Variants in IL3RA observed in about 807,000 individuals in gnomAD.
The protein encoded by IL3RA is interleukin 3 receptor subunit alpha.
IL3RA carries 73 observed loss-of-function variants against 52.3 expected under a neutral mutation model. The observed-to-expected ratio is 1.40, with a 90% CI of 1.16 to 1.70. The LOEUF (loss-of-function observed/expected upper bound fraction) is 1.70. Among genes scored for constraint, IL3RA ranks in the 40% most tolerant of loss-of-function variants. IL3RA has a pLI of 0.00. For synonymous variants in IL3RA, 260 were observed against 194.0 expected (o/e 1.34, Z -2.83); for missense variants, 664 against 504.4 (o/e 1.32, Z -3.03).
chrX:1,352,469 C>T lies in IL3RA; in HGVS notation c.579C>T (p.Ile193=). 1 of 1,613,770 alleles carries T rather than the reference C, an allele frequency of 6.2e-7. No individual in the cohort carries two copies. Among genetic ancestry groups the T allele is most frequent in the Non-Finnish European group, 8.5e-7 (1 of 1,179,832 alleles). ...LVRGRSAAFG[I]PCTDKFVVFS... is the part of the protein sequence containing the mutation. Reference sequence around the variant, plus strand: ...GGGGCAGGAGCGCAGCCTTCGGTATCCCCTGCACAGATAAGTTTGTCGTCT... The same window carrying T: ...GGGGCAGGAGCGCAGCCTTCGGTATTCCCTGCACAGATAAGTTTGTCGTCT... The change falls in exon 6 of 12, where the codon ATC becomes ATT. Residue 193 remains isoleucine (I), a synonymous_variant. Coordinates refer to ENST00000331035, the MANE Select transcript of IL3RA (RefSeq NM_002183.4).
chrX:1,348,652 TTCTTTCTTTCTTTC>T (rs1476724600), intron 4 of IL3RA, 107 bp downstream of exon 4: 2 of 360,580 alleles, frequency 5.5e-6, no homozygotes, highest in East Asian at 4.4e-5. Flanking sequence ...TTCTCTTTCT[TTCTTTCTTTCTTTC>T]TTTCTTTCTT....
rs2089228374 is a variant in IL3RA at position 1,382,473 on chromosome X, G to A, written c.*8G>A. 1 of 1,613,404 alleles carries A rather than the reference G, an allele frequency of 6.2e-7. No homozygotes were observed. Among genetic ancestry groups the A allele is most frequent in the African/African-American group, 1.3e-5 (1 of 74,906 alleles). On this transcript the variant is annotated 3_prime_UTR_variant, in exon 12 of 12. Transcript: ENST00000331035. ...GTCGTGCAGAAAACTTGAGACTGGG[G>A]TTCAGGGCTTGTGGGGGTCTGCCTC...
intron 8 of IL3RA, among the ~76,000 whole-genome samples, chrX:1,362,711 T>C (rs746273491): frequency 1.3e-5 from 2 of 152,306 alleles, no homozygotes; most frequent in East Asian, 3.9e-4. Context: ...TGTGGCCATA[T>C]CACTCCACTC....
chrX:1,379,070 T>C (rs1356092272), intron 10 of IL3RA, among the ~76,000 whole-genome samples: 3 of 152,222 alleles, frequency 2.0e-5, no homozygotes, highest in Non-Finnish European at 2.9e-5. Flanking sequence ...CTTGAATTCC[T>C]GGACTCAGGT....
At chrX:1,358,013 G>A (rs1267988338) in intron 7 of IL3RA, among the ~76,000 whole-genome samples, 5 of 151,358 alleles carry the variant, frequency 3.3e-5, no homozygotes, top group Non-Finnish European at 7.4e-5. Context: ...GCTGAGGCAG[G>A]AGAATGGCGT....
At chrX:1,364,895 A>C (rs1470290929) in intron 8 of IL3RA, among the ~76,000 whole-genome samples, 1 of 151,606 alleles carries the variant, frequency 6.6e-6, no homozygotes, top group Non-Finnish European at 1.5e-5. Context: ...TGCAACCTCC[A>C]CCTCTCAGGT....
In IL3RA at chrX:1,382,387, G is replaced by A. The variant is rs1463147304; in HGVS notation, c.1063-4G>A. 6.2e-7 allele frequency: 1 copy of A among 1,613,730 alleles called. No homozygotes were observed. The highest frequency in any genetic ancestry group is 8.5e-7 in the Non-Finnish European group (1 of 1,179,724). ...ACTCACCCTGCCTCCTCTCGTCTCT[G>A]CAGGTGGTCTGGGAGGCGGGCAAAG... On this transcript the variant is annotated splice_region_variant and splice_polypyrimidine_tract_variant and intron_variant, in intron 11 of 11. Transcript: ENST00000331035.
chrX:1,352,001 G>A, intron 4 of IL3RA, 99 bp from the exon 5 acceptor site: 1 of 1,460,210 alleles, frequency 6.8e-7, no homozygotes, highest in Non-Finnish European at 9.3e-7. Context: ...CTGACCTCAT[G>A]TGATCCACCC....
At chrX:1,381,887 G>A (rs1202339647) in intron 11 of IL3RA, among the ~76,000 whole-genome samples, 1 of 151,854 alleles carries the variant, frequency 6.6e-6, no homozygotes, top group African/African-American at 2.4e-5. Flanking sequence ...CTAAGAGAAA[G>A]GAAGGGCAGA....
intron 4 of IL3RA, among the ~76,000 whole-genome samples, chrX:1,349,774 T>A (rs1487971248): frequency 2.0e-5 from 3 of 152,156 alleles, no homozygotes; most frequent in African/African-American, 4.8e-5. Flanking sequence ...GCGATTCTCC[T>A]GCCTCAGCCT....
At chrX:1,361,219 C>G (rs1485833261) in intron 8 of IL3RA, among the ~76,000 whole-genome samples, 9 of 151,886 alleles carry the variant, frequency 5.9e-5, no homozygotes, top group Non-Finnish European at 1.0e-4. Flanking sequence ...CTATGTCTCT[C>G]CCTTTCTCTC....
Position 1,376,576 on chromosome X carries a change from A to C in IL3RA, c.875-2083A>C, listed in dbSNP as rs1420834335. Among the ~76,000 whole-genome samples, 5 of 138,616 alleles carry C rather than the reference A, an allele frequency of 3.6e-5. No individual in the cohort carries two copies. In the East Asian group the frequency reaches 1.1e-3, roughly 31 times the overall value. 90.9% of individuals were successfully genotyped at this position (138,616 alleles called of 152,430 possible). A position where few individuals can be genotyped will look rare whatever the true frequency, so the allele number is the denominator to read the frequency against. ...TGACAGCAGCCTGAGATGGACTAAG[A>C]CACCTCATAAGAAGAGGAGATGAGG... is the stretch of plus-strand genomic sequence containing the variant. On this transcript the variant is annotated intron_variant, in intron 9 of 11. Coordinates refer to ENST00000331035, the MANE Select transcript of IL3RA (RefSeq NM_002183.4).
intron 4 of IL3RA, among the ~76,000 whole-genome samples, chrX:1,351,272 G>A (rs186994817): frequency 3.9e-5 from 6 of 152,200 alleles, no homozygotes; most frequent in South Asian, 4.1e-4. Context: ...TTTTTACAAC[G>A]GCTTGTGTAT....
intron 2 of IL3RA, among the ~76,000 whole-genome samples, chrX:1,343,933 T>C (rs1197068980): frequency 6.6e-5 from 10 of 151,386 alleles, no homozygotes; most frequent in Non-Finnish European, 1.3e-4. Flanking sequence ...TTAGCTGGGA[T>C]TACAGGCGCC....
intron 10 of IL3RA, among the ~76,000 whole-genome samples, chrX:1,379,422 C>T (rs1409698047): frequency 6.6e-6 from 1 of 152,160 alleles, no homozygotes; most frequent in Non-Finnish European, 1.5e-5. Context: ...TCCCAAAGTG[C>T]TGGGATTACA....
chrX:1,365,231 T>A lies in IL3RA; in HGVS notation c.853T>A (p.Trp285Arg), dbSNP rs374223578. The A allele has an allele frequency of 5.0e-6, 8 of 1,604,664 alleles. No individual in the cohort carries two copies. Among genetic ancestry groups the A allele is most frequent in the Non-Finnish European group, 5.1e-6 (6 of 1,174,684 alleles). Residue 285 changes from tryptophan (W) to arginine (R), a missense_variant, in exon 9 of 12, where the codon TGG (tryptophan) becomes AGG (arginine). Transcript: ENST00000331035. ...AAGAGTGTATGAATTCTTGAGCGCC[T>A]GGAGCACCCCCCAGCGCTTCGGTGA... ...RERVYEFLSA[W>R]STPQRFECDQ...
At chrX:1,346,760 T>C (rs1403597826) in intron 3 of IL3RA, among the ~76,000 whole-genome samples, 2 of 151,428 alleles carry the variant, frequency 1.3e-5, no homozygotes, top group African/African-American at 2.5e-5. Flanking sequence ...GTGGCCCAGG[T>C]GACACTGTGA....
intron 10 of IL3RA, among the ~76,000 whole-genome samples, chrX:1,380,051 T>C (rs2089067910): frequency 6.6e-6 from 1 of 151,842 alleles, no homozygotes; most frequent in African/African-American, 2.4e-5. Context: ...TGAGCCACCA[T>C]GCCCGGATAA....
chrX:1,382,539 C>A lies in IL3RA; in HGVS notation c.*74C>A. On this transcript the variant is annotated 3_prime_UTR_variant, in exon 12 of 12. Coordinates refer to ENST00000331035, the MANE Select transcript of IL3RA (RefSeq NM_002183.4). ...GCCAGGCGCCTGCACAGACTGGCTG[C>A]TGGACCTGCGCACGCAGCCCAGGAA... is the stretch of plus-strand genomic sequence containing the variant. The A allele has an allele frequency of 7.2e-7, 1 of 1,380,524 alleles. No individual in the cohort carries two copies. The highest frequency in any genetic ancestry group is 1.0e-6 in the Non-Finnish European group (1 of 967,516). 85.5% of individuals were successfully genotyped at this position (1,380,524 alleles called of 1,614,324 possible).
Sources: allele counts gnomAD v4.1 joint callset (sites outside exome capture counted in the v4.1 genomes callset), GRCh38; gene constraint gnomAD v4.1.1; transcripts MANE v1.5; gene names NCBI Gene and HGNC (gene_info 2026-07-23, HGNC 2026-07-21).